CORO7: variants seen among roughly 807,000 people sequenced by gnomAD.
CORO7 encodes coronin-7.
A neutral mutation model predicts 126.6 loss-of-function variants in CORO7; 107 were observed. The observed-to-expected ratio is 0.85, with a 90% confidence interval of 0.72 to 0.99. CORO7 has a LOEUF of 0.99. Among genes scored for constraint, CORO7 ranks in the 50% least tolerant of loss-of-function variants. The probability of loss-of-function intolerance (pLI) is 0.00; values close to 1 mark genes in which losing one functional copy is unlikely to be tolerated. For missense variants in CORO7, 1,314 were observed against 1,255.8 expected, an observed-to-expected ratio of 1.05 and a Z score of -0.70; for synonymous variants, 603 against 536.8, an observed-to-expected ratio of 1.12 and a Z score of -1.70.
At position 4,360,328 on chromosome 16, in the gene CORO7, G is replaced by A. The variant is rs1417098151; in HGVS notation, c.2058C>T (p.Arg686=). The A allele has an allele frequency of 6.2e-7, 1 of 1,613,678 alleles. No homozygotes were observed. Among genetic ancestry groups the A allele is most frequent in the Non-Finnish European group, 8.5e-7 (1 of 1,180,004 alleles). ...AGCGACCATCACATACCCAGACAAT[G>A]CGAGCTCCGCGTCCTCCCTTGGGCC... ...GPGPKGGRGA[R]IVWVCDGRCL... Residue 686 remains arginine, a synonymous_variant, in exon 21 of 28, where the codon CGC becomes CGT. Coordinates refer to ENST00000251166, the MANE Select transcript of CORO7 (RefSeq NM_024535.5).
In CORO7 at chr16:4,364,369, G is replaced by A; in HGVS notation, c.1182C>T (p.Ser394=). 6.6e-7 allele frequency: 1 copy of A among 1,518,994 alleles called. No individual in the cohort carries two copies. Among genetic ancestry groups the A allele is most frequent in the Non-Finnish European group, 8.8e-7 (1 of 1,136,140 alleles). 94.1% of individuals were successfully genotyped at this position (1,518,994 alleles called of 1,614,324 possible). ...CAGGGGGCACCAGACAGGAAGTGAA[G>A]CTCGGGTGGGGCCGGCAGGCGGGGT... ...SLNPACRPHP[S]FTSCLVPPAE... The change falls in exon 14 of 28, where the codon AGC becomes AGT. Residue 394 remains serine (S), a synonymous_variant. Coordinates refer to ENST00000251166, the MANE Select transcript of CORO7 (RefSeq NM_024535.5).
chr16:4,412,614 A>G (rs1200033666), intron 2 of CORO7, 184 bp from the exon 3 acceptor site: 4 of 613,948 alleles, frequency 6.5e-6, no homozygotes, highest in Non-Finnish European at 1.1e-5. Flanking sequence ...CCCATGCATG[A>G]GCCATCCATG....
At chr16:4,410,163 G>C (rs1314583509) in intron 3 of CORO7, among the ~76,000 whole-genome samples, 1 of 152,308 alleles carries the variant, frequency 6.6e-6, no homozygotes, top group South Asian at 2.1e-4. Flanking sequence ...ATTGGCTCAT[G>C]CCTATAATCT....
At chr16:4,364,236 A>G in intron 14 of CORO7, 40 bp downstream of exon 14, 1 of 1,496,540 alleles carries the variant, frequency 6.7e-7, no homozygotes, top group Non-Finnish European at 8.9e-7. Flanking sequence ...CAGCCACTGC[A>G]GTGTCGCTGA....
intron 3 of CORO7, among the ~76,000 whole-genome samples, chr16:4,411,146 T>A (rs988843846): frequency 1.3e-5 from 2 of 152,044 alleles, no homozygotes; most frequent in South Asian, 4.1e-4. Flanking sequence ...CCCCAAAACT[T>A]TGGGAGGCCA....
In CORO7 at chr16:4,365,069, A is replaced by C; in HGVS notation, c.841-9T>G. On this transcript the variant is annotated splice_polypyrimidine_tract_variant and intron_variant, in intron 10 of 27. Transcript: ENST00000251166. ...TACAGCTGCCTCTCGCCCTGAAATG[A>C]GTCTGAACTGAGCCCCGTTTGCTGA... 1 of 1,593,580 alleles carries C rather than the reference A, an allele frequency of 6.3e-7. No homozygotes were observed. Among genetic ancestry groups the C allele is most frequent in the Non-Finnish European group, 8.5e-7 (1 of 1,170,158 alleles).
In CORO7 at chr16:4,395,996, T is replaced by TGTGTGTGTGTATG. The variant is rs55837244; in HGVS notation, c.565-658_565-657insCATACACACACAC. On this transcript the variant is annotated intron_variant, in intron 6 of 27. Transcript: ENST00000251166. The stretch of plus-strand genomic sequence containing the variant: ...AACAATGTGTGTGTGCATGCACACG[T>TGTGTGTGTGTATG]TGTGTGTGTGTGTGTACACAAACAT... 4.3e-4 allele frequency among the ~76,000 whole-genome samples: 65 copies of TGTGTGTGTGTATG among 151,112 alleles called. 2 individuals carry two copies. Among genetic ancestry groups the TGTGTGTGTGTATG allele is most frequent in the Admixed American group, 4.3e-3 (65 of 15,204 alleles).
intron 6 of CORO7, among the ~76,000 whole-genome samples, chr16:4,399,892 T>A (rs1018915423): frequency 1.3e-5 from 2 of 152,154 alleles, no homozygotes; most frequent in South Asian, 2.1e-4. Flanking sequence ...TACCACAATT[T>A]AAAAAAATAG....
intron 7 of CORO7, among the ~76,000 whole-genome samples, chr16:4,394,806 T>TC (rs2055525972): frequency 6.6e-6 from 1 of 152,152 alleles, no homozygotes; most frequent in African/African-American, 2.4e-5. Context: ...GGTCCCAGCT[T>TC]CCCCGCTTGG....
In CORO7 at chr16:4,371,677, G is replaced by A. The variant is rs893241801; in HGVS notation, c.786-6132C>T. ...ACGACGGGCAAGGTCTCCCCGCGCA[G>A]GTCAGGTGGCCGCAGGGTGAGGGCC... On this transcript the variant is annotated intron_variant, in intron 9 of 27. Transcript: ENST00000251166. Among the ~76,000 whole-genome samples the A allele has an allele frequency of 3.9e-5, 6 of 152,386 alleles. No homozygotes were observed. The East Asian group carries it at 1.2e-3, about 29-fold the overall frequency.
In CORO7 at chr16:4,395,964, T is replaced by C. The variant is rs1034213469; in HGVS notation, c.565-625A>G. 3.5e-5 allele frequency among the ~76,000 whole-genome samples: 5 copies of C among 144,626 alleles called. No homozygotes were observed. In the East Asian group the frequency reaches 6.3e-4, roughly 18 times the overall value. The allele number at this position is 144,626 out of a possible 152,430, so 94.9% of individuals were successfully genotyped here. A position where few individuals can be genotyped will look rare whatever the true frequency, so the allele number is the denominator to read the frequency against. On this transcript the variant is annotated intron_variant, in intron 6 of 27. Coordinates refer to ENST00000251166, the MANE Select transcript of CORO7 (RefSeq NM_024535.5). ...ACTCATGCTTTGTATAGACCTTCTT[T>C]CTGTGGAACAATGTGTGTGTGCATG...
intron 21 of CORO7, among the ~76,000 whole-genome samples, 181 bp from the exon 22 acceptor site, chr16:4,359,802 C>T (rs913576114): frequency 6.6e-6 from 1 of 151,934 alleles, no homozygotes; most frequent in African/African-American, 2.4e-5. Context: ...GACTCTTTCT[C>T]CTCCACTAAT....
intron 25 of CORO7, 153 bp downstream of exon 25, chr16:4,357,815 C>T: frequency 7.3e-7 from 1 of 1,362,260 alleles, no homozygotes; most frequent in Non-Finnish European, 9.8e-7. Flanking sequence ...CCCTGCCCTC[C>T]ACTGGCTCAG....
intron 6 of CORO7, among the ~76,000 whole-genome samples, chr16:4,395,837 G>T (rs1344470503): frequency 6.6e-6 from 1 of 152,168 alleles, no homozygotes; most frequent in African/African-American, 2.4e-5. Flanking sequence ...AGGAAGACGA[G>T]CTTACACTTC....
chr16:4,415,193 A>G (rs2056361144), intron 1 of CORO7, among the ~76,000 whole-genome samples: 1 of 152,120 alleles, frequency 6.6e-6, no homozygotes, highest in African/African-American at 2.4e-5. Context: ...TGCAATCAGA[A>G]TAAAACCCAA....
chr16:4,377,442 C>T (rs904532409), intron 9 of CORO7, among the ~76,000 whole-genome samples: 8 of 152,166 alleles, frequency 5.3e-5, no homozygotes, highest in African/African-American at 1.2e-4. Context: ...AGACCCCAGG[C>T]GGGCGGGACA....
intron 9 of CORO7, among the ~76,000 whole-genome samples, chr16:4,372,633 C>T (rs1272098145): frequency 2.6e-5 from 4 of 152,230 alleles, no homozygotes; most frequent in Non-Finnish European, 4.4e-5. Flanking sequence ...GGCTGCAAAC[C>T]CAGTGGCCTG....
intron 25 of CORO7, 151 bp from the exon 26 acceptor site, chr16:4,357,410 T>C (rs1426153173): frequency 6.1e-6 from 5 of 816,514 alleles, no homozygotes; most frequent in Non-Finnish European, 7.3e-6. Context: ...CAGGCTGGAG[T>C]GCAATGATGT....
At position 4,355,377 on chromosome 16, in the gene CORO7, G is replaced by A. The variant is rs1467707597; in HGVS notation, c.2686-5C>T. ...TGCCACCATGGCATTCAGCAGCTGG[G>A]AGAGAGGGCAGAAGAAGGGTAGGTA... On this transcript the variant is annotated splice_region_variant and splice_polypyrimidine_tract_variant and intron_variant, in intron 26 of 27. Coordinates refer to ENST00000251166, the MANE Select transcript of CORO7 (RefSeq NM_024535.5). 6.2e-7 allele frequency: 1 copy of A among 1,607,908 alleles called. No individual in the cohort carries two copies. Among genetic ancestry groups the A allele is most frequent in the Non-Finnish European group, 8.5e-7 (1 of 1,179,148 alleles).
Sources: gnomAD v4.1 joint callset for allele counts (sites outside exome capture counted in the v4.1 genomes callset) on GRCh38, gnomAD v4.1.1 for gene constraint, MANE v1.5 for transcripts, NCBI Gene and HGNC (gene_info 2026-07-23, HGNC 2026-07-21) for gene names.